Variants in UGT1A9 observed in about 807,000 individuals in gnomAD.
UGT1A9 encodes UDP glucuronosyltransferase family 1 member A9.
UGT1A9 carries 35 observed loss-of-function variants against 45.0 expected under a neutral mutation model. The observed-to-expected ratio is 0.78, with a 90% confidence interval of 0.59 to 1.03. UGT1A9 has a LOEUF of 1.03. Ranked by LOEUF, UGT1A9 falls within the 50% of genes least tolerant of loss-of-function variation. UGT1A9 has a pLI of 0.00. For synonymous variants in UGT1A9, 278 were observed against 250.6 expected (o/e 1.11, Z -1.03); for missense variants, 687 against 666.6 (o/e 1.03, Z -0.34).
intron 1 of UGT1A9, chr2:233,692,705 A>T: frequency 2.3e-6 from 1 of 440,436 alleles, no homozygotes; most frequent in Non-Finnish European, 3.0e-6. Context: ...TCTCCAAGTC[A>T]TCTTCAAAGT....
chr2:233,672,553 G>A lies in UGT1A9; in HGVS notation c.619G>A (p.Val207Ile). The A allele has an allele frequency of 2.5e-6, 4 of 1,613,956 alleles. No homozygotes were observed. The highest frequency in any genetic ancestry group is 3.4e-6 in the Non-Finnish European group (4 of 1,179,858). ...AGATGCCATGACTTTCAAGGAGAGA[G>A]TACGGAACCACATCATGCACTTGGA... Reference protein sequence around the residue: ...FSDAMTFKERVRNHIMHLEEH... With the variant: ...FSDAMTFKERIRNHIMHLEEH... The change falls in exon 1 of 5, where the codon GTA becomes ATA. Residue 207 changes from valine (V) to isoleucine (I), a missense_variant. Physicochemically the swap from Val to Ile is conservative, Grantham distance 29. Coordinates refer to ENST00000354728, the MANE Select transcript of UGT1A9 (RefSeq NM_021027.3).
intron 1 of UGT1A9, among the ~76,000 whole-genome samples, chr2:233,718,350 T>C: frequency 6.6e-6 from 1 of 152,358 alleles, no homozygotes; most frequent in Non-Finnish European, 1.5e-5. Flanking sequence ...CTTTTGGATG[T>C]GCTGTGTTAT....
At chr2:233,740,343 G>A (rs1691372843) in intron 1 of UGT1A9, among the ~76,000 whole-genome samples, 1 of 151,960 alleles carries the variant, frequency 6.6e-6, no homozygotes, top group African/African-American at 2.4e-5. Flanking sequence ...AAGTTGATGA[G>A]AAAGTGGAAT....
chr2:233,688,149 G>A (rs975750928), intron 1 of UGT1A9, among the ~76,000 whole-genome samples: 1 of 152,048 alleles, frequency 6.6e-6, no homozygotes. Flanking sequence ...GTATGGATTT[G>A]CCTATTCTGG....
intron 1 of UGT1A9, among the ~76,000 whole-genome samples, chr2:233,738,018 T>C (rs11902624): frequency 0.019 from 2,936 of 152,240 alleles, 43 homozygotes; most frequent in African/African-American, 0.03. Flanking sequence ...TCTTGAATTG[T>C]AATCCCCATA....
intron 4 of UGT1A9, among the ~76,000 whole-genome samples, chr2:233,768,933 G>C (rs1699758323): frequency 6.6e-6 from 1 of 151,962 alleles, no homozygotes; most frequent in South Asian, 2.1e-4. Flanking sequence ...TTTATAAAAG[G>C]ATTCTTTAGT....
intron 1 of UGT1A9, among the ~76,000 whole-genome samples, chr2:233,752,077 C>T (rs1281273194): frequency 6.6e-6 from 1 of 152,216 alleles, no homozygotes; most frequent in Non-Finnish European, 1.5e-5. Context: ...GGAAGTCTCT[C>T]TACCTGTTTG....
At chr2:233,719,705 C>T (rs774192845) in intron 1 of UGT1A9, 50 of 1,613,844 alleles carry the variant, frequency 3.1e-5, no homozygotes, top group Middle Eastern at 1.7e-4. Context: ...TTGGTGCCTT[C>T]ATCCAATCAA....
At chr2:233,706,622 T>C (rs567814206) in intron 1 of UGT1A9, among the ~76,000 whole-genome samples, 1 of 152,196 alleles carries the variant, frequency 6.6e-6, no homozygotes, top group Admixed American at 6.5e-5. Flanking sequence ...ACTAGAGAAA[T>C]GAGTGTTTCT....
chr2:233,755,291 C>G (rs1483791202), intron 1 of UGT1A9: 2 of 651,218 alleles, frequency 3.1e-6, no homozygotes, highest in Admixed American at 2.9e-5. Flanking sequence ...AAAGAGCCTG[C>G]GGGGCACTGG....
At chr2:233,724,365 G>A (rs1424941561) in intron 1 of UGT1A9, among the ~76,000 whole-genome samples, 1 of 148,100 alleles carries the variant, frequency 6.8e-6, no homozygotes, top group African/African-American at 2.5e-5. Flanking sequence ...CTCCCGGACG[G>A]GGTGGCTGCC....
At chr2:233,705,266 T>G (rs778471512) in intron 1 of UGT1A9, among the ~76,000 whole-genome samples, 1 of 152,250 alleles carries the variant, frequency 6.6e-6, no homozygotes, top group African/African-American at 2.4e-5. Flanking sequence ...ATGGGGTCAC[T>G]TGCTTTCAAC....
intron 1 of UGT1A9, among the ~76,000 whole-genome samples, chr2:233,705,399 C>T (rs2075845661): frequency 6.6e-6 from 1 of 152,166 alleles, no homozygotes; most frequent in African/African-American, 2.4e-5. Flanking sequence ...TGATACTCAT[C>T]AGAGACTTGT....
chr2:233,739,477 G>C (rs569787669), intron 1 of UGT1A9, among the ~76,000 whole-genome samples: 1 of 152,350 alleles, frequency 6.6e-6, no homozygotes, highest in East Asian at 1.9e-4. Context: ...GACCGTGGGA[G>C]CCCATTTCTG....
At chr2:233,754,396 G>A (rs1026750148) in intron 1 of UGT1A9, 5 of 330,592 alleles carry the variant, frequency 1.5e-5, no homozygotes, top group East Asian at 7.7e-5. Context: ...GGTCCTATCC[G>A]TGCAGTCCCA....
intron 1 of UGT1A9, among the ~76,000 whole-genome samples, chr2:233,678,146 A>G (rs1575422727): frequency 6.6e-6 from 1 of 152,208 alleles, no homozygotes. Flanking sequence ...GATGGCAACA[A>G]TAGACACTAT....
chr2:233,732,205 G>A (rs1179659019), intron 1 of UGT1A9, among the ~76,000 whole-genome samples: 1 of 152,068 alleles, frequency 6.6e-6, no homozygotes, highest in East Asian at 1.9e-4. Context: ...TTGTCAGATG[G>A]GTAGATTGCA....
At chr2:233,690,749 C>G in intron 1 of UGT1A9, 1 of 1,180,016 alleles carries the variant, frequency 8.5e-7, no homozygotes, top group South Asian at 1.6e-5. Flanking sequence ...GGCTAGTGTC[C>G]AGTGCAGACA....
In UGT1A9 at chr2:233,772,906, C is replaced by G; in HGVS notation, c.*347C>G. ...TTCAAAGGTGGTCCCACGGCTGCCCCTACTGCAAATGGCAGTTTTAATCTT... is the reference window on the plus strand; with the variant it reads ...TTCAAAGGTGGTCCCACGGCTGCCCGTACTGCAAATGGCAGTTTTAATCTT... On this transcript the variant is annotated 3_prime_UTR_variant, in exon 5 of 5. Coordinates refer to ENST00000354728, the MANE Select transcript of UGT1A9 (RefSeq NM_021027.3). 1 of 412,406 alleles carries G rather than the reference C, an allele frequency of 2.4e-6. No homozygotes were observed. The highest frequency in any genetic ancestry group is 2.8e-5 in the South Asian group (1 of 36,156). The allele number at this position is 412,406 out of a possible 1,614,324, so 25.5% of individuals were successfully genotyped here. A position where few individuals can be genotyped will look rare whatever the true frequency, so the allele number is the denominator to read the frequency against.
Sources: gnomAD v4.1 joint callset for allele counts (sites outside exome capture counted in the v4.1 genomes callset) on GRCh38, gnomAD v4.1.1 for gene constraint, MANE v1.5 for transcripts, NCBI Gene and HGNC (gene_info 2026-07-23, HGNC 2026-07-21) for gene names.